KCNMA1: variants seen among roughly 807,000 people sequenced by gnomAD.
KCNMA1 encodes the protein potassium calcium-activated channel subfamily M alpha 1.
Under a neutral mutation model 140.0 loss-of-function variants are expected in KCNMA1, and 29 were observed. The observed-to-expected ratio is 0.21, with a 90% CI of 0.15 to 0.28. KCNMA1 has a LOEUF of 0.28. Ranked by LOEUF, KCNMA1 falls within the 10% of genes least tolerant of loss-of-function variation. The pLI, the probability that KCNMA1 is intolerant of heterozygous loss-of-function variation, is 1.00. For missense variants in KCNMA1, 880 were observed against 1,602.2 expected, an observed-to-expected ratio of 0.55 and a Z score of 7.70; for synonymous variants, 612 against 611.9, an observed-to-expected ratio of 1.00 and a Z score of 0.00.
chr10:77,449,020 G>A (rs922644803), intron 1 of KCNMA1, among the ~76,000 whole-genome samples: 1 of 151,762 alleles, frequency 6.6e-6, no homozygotes, highest in African/African-American at 2.4e-5. Context: ...CCAGGAGGTG[G>A]AGGTTGCAGT....
chr10:76,958,397 C>A (rs138484950), intron 20 of KCNMA1, among the ~76,000 whole-genome samples: 1 of 152,186 alleles, frequency 6.6e-6, no homozygotes. Context: ...TTGTCACTTG[C>A]GACTTAGCCA....
At chr10:77,482,457 G>C (rs1207713548) in intron 1 of KCNMA1, among the ~76,000 whole-genome samples, 1 of 152,194 alleles carries the variant, frequency 6.6e-6, no homozygotes, top group Non-Finnish European at 1.5e-5. Context: ...CCCAGGAAGG[G>C]GAGGCAGCCT....
chr10:77,541,985 T>C (rs900879170), intron 1 of KCNMA1, among the ~76,000 whole-genome samples: 3 of 152,362 alleles, frequency 2.0e-5, no homozygotes, highest in African/African-American at 7.2e-5. Context: ...TCCAACCTTA[T>C]CCCTTTGCAA....
intron 2 of KCNMA1, chr10:77,373,744 T>C (rs1453215646): frequency 6.6e-6 from 1 of 152,224 alleles, no homozygotes; most frequent in African/African-American, 2.4e-5. Context: ...ATTTTCACTC[T>C]GGATCTATCT....
In KCNMA1 at chr10:77,108,495, C is replaced by T. The variant is rs199572145; in HGVS notation, c.1209G>A (p.Ala403=). 3.8e-5 allele frequency: 62 copies of T among 1,613,368 alleles called. No homozygotes were observed. The highest frequency in any genetic ancestry group is 1.4e-4 in the South Asian group (13 of 91,056). The change falls in exon 9 of 28, where the codon GCG becomes GCA. Residue 403 remains alanine (A), a synonymous_variant. Transcript: ENST00000286628. This position sits in a 1 kb window ranked among gnomAD's most constrained non-coding sequence, Gnocchi z 4.6. The part of the protein sequence containing the change: ...NRKKYGGSYS[A]VSGRKHIVVC... The stretch of plus-strand genomic sequence containing the variant: ...GGCATACTTACTTTCTTCCACTAAC[C>T]GCACTATAGGAGCCCCCGTATTTCT...
At chr10:77,634,776 G>C in intron 1 of KCNMA1, 1 of 186,128 alleles carries the variant, frequency 5.4e-6, no homozygotes, top group Non-Finnish European at 8.3e-6. Flanking sequence ...AAGAAAAAAA[G>C]ACAAACACAC....
At chr10:77,360,459 G>C (rs2154399696) in intron 2 of KCNMA1, among the ~76,000 whole-genome samples, 1 of 152,280 alleles carries the variant, frequency 6.6e-6, no homozygotes, top group East Asian at 1.9e-4. Flanking sequence ...AGCCATCCTT[G>C]TTTCAGTCTC....
chr10:77,130,579 G>T (rs1400175291), intron 5 of KCNMA1, among the ~76,000 whole-genome samples: 1 of 152,132 alleles, frequency 6.6e-6, no homozygotes, highest in African/African-American at 2.4e-5. Flanking sequence ...GAATTAAAAT[G>T]ATAATCCAGA....
Position 76,889,579 on chromosome 10 carries a change from A to G in KCNMA1, c.3343-10T>C. On this transcript the variant is annotated splice_polypyrimidine_tract_variant and intron_variant, in intron 26 of 27. Coordinates refer to ENST00000286628, the MANE Select transcript of KCNMA1 (RefSeq NM_001161352.2). Reference sequence around the variant, plus strand: ...CATAACAACCACCATCCTGGGAGACAGCAAAAGAACAGAGAGAAACATCCT... The same window carrying G: ...CATAACAACCACCATCCTGGGAGACGGCAAAAGAACAGAGAGAAACATCCT... 1 of 1,581,960 alleles carries G rather than the reference A, an allele frequency of 6.3e-7. No homozygotes were observed. The highest frequency in any genetic ancestry group is 1.1e-5 in the South Asian group (1 of 90,388).
intron 2 of KCNMA1, among the ~76,000 whole-genome samples, chr10:77,361,810 G>T (rs1027946451): frequency 5.3e-5 from 8 of 152,346 alleles, no homozygotes; most frequent in Non-Finnish European, 1.2e-4. Context: ...CACCTTGTGG[G>T]TCAAGAGCTG....
At chr10:77,559,893 T>A (rs139273541) in intron 1 of KCNMA1, among the ~76,000 whole-genome samples, 7 of 152,182 alleles carry the variant, frequency 4.6e-5, no homozygotes, top group African/African-American at 1.2e-4. Flanking sequence ...AACTGCAGGT[T>A]ATGGCCAGGC....
At chr10:76,900,074 C>G (rs1027177395) in intron 25 of KCNMA1, among the ~76,000 whole-genome samples, 1 of 151,846 alleles carries the variant, frequency 6.6e-6, no homozygotes, top group African/African-American at 2.4e-5. Flanking sequence ...TTTTAATTGG[C>G]TTTTTCATAC....
chr10:77,004,401 G>A (rs2087664684), intron 18 of KCNMA1, among the ~76,000 whole-genome samples: 1 of 152,148 alleles, frequency 6.6e-6, no homozygotes. Context: ...TTTCGCTACT[G>A]CTGGCATAGT....
At chr10:77,613,021 T>C (rs576728048) in intron 1 of KCNMA1, among the ~76,000 whole-genome samples, 1 of 152,084 alleles carries the variant, frequency 6.6e-6, no homozygotes, top group South Asian at 2.1e-4. Context: ...ACACAATAAG[T>C]CTGTAAGTTC....
In KCNMA1 at chr10:77,346,596, G is replaced by A. The variant is rs963306164; in HGVS notation, c.540+57266C>T. Among the ~76,000 whole-genome samples the A allele has an allele frequency of 2.4e-4, 36 of 152,288 alleles. 2 individuals are homozygous for A. Among genetic ancestry groups the A allele is most frequent in the South Asian group, 1.4e-3 (7 of 4,830 alleles). On this transcript the variant is annotated intron_variant, in intron 2 of 27. Coordinates refer to ENST00000286628, the MANE Select transcript of KCNMA1 (RefSeq NM_001161352.2). ...CTTCCCCCAATCAGCTAGAAGACTT[G>A]CTGGGTACCTCCTCATTGTGTCCTG...
At chr10:76,891,473 T>C (rs894589144) in intron 26 of KCNMA1, 52 bp downstream of exon 26, 3 of 1,450,340 alleles carry the variant, frequency 2.1e-6, no homozygotes, top group African/African-American at 2.8e-5. Context: ...TTCTTCAGGA[T>C]CAAGCTTTTC....
intron 2 of KCNMA1, among the ~76,000 whole-genome samples, chr10:77,382,994 G>GTGTGTGTATATATATATA (rs1491457588): frequency 4.3e-5 from 2 of 46,426 alleles, no homozygotes; most frequent in Admixed American, 2.6e-4. Flanking sequence ...GTGTGTGTGT[G>GTGTGTGTATATATATATA]TATATATATA....
chr10:77,374,186 T>C (rs1029658388), intron 2 of KCNMA1, among the ~76,000 whole-genome samples: 4 of 152,158 alleles, frequency 2.6e-5, no homozygotes, highest in African/African-American at 9.7e-5. Context: ...GCGCTCTGAC[T>C]ACCAGAGTCC....
intron 1 of KCNMA1, among the ~76,000 whole-genome samples, chr10:77,439,139 AGAGAAGAGAAAAGAG>A (rs1174467827): frequency 7.0e-6 from 1 of 142,104 alleles, no homozygotes; most frequent in Non-Finnish European, 1.6e-5. Flanking sequence ...AGAGAAGAGA[AGAGAAGAGAAAAGAG>A]AAGAGAAGAA....
Sources: allele counts gnomAD v4.1 joint callset (sites outside exome capture counted in the v4.1 genomes callset), GRCh38; gene constraint gnomAD v4.1.1; non-coding constraint Gnocchi (gnomAD v3.1); transcripts MANE v1.5; gene names NCBI Gene and HGNC (gene_info 2026-07-23, HGNC 2026-07-21).